Variants in RAD23B observed in about 807,000 individuals in gnomAD.
RAD23B encodes RAD23 nucleotide excision repair protein B, also known as lysine-specific demethylase RAD23B.
Under a neutral mutation model 49.1 loss-of-function variants are expected in RAD23B, and 5 were observed. The observed-to-expected ratio is 0.10, with a 90% CI of 0.05 to 0.21. The LOEUF is 0.21. RAD23B is among the 10% of genes least tolerant of loss of function. The pLI is 1.00. For missense variants in RAD23B, 356 were observed against 486.7 expected, an observed-to-expected ratio of 0.73 and a Z score of 2.53; for synonymous variants, 184 against 165.4, an observed-to-expected ratio of 1.11 and a Z score of -0.86.
chr9:107,322,890 C>A (rs923323455), intron 7 of RAD23B, among the ~76,000 whole-genome samples: 2 of 152,144 alleles, frequency 1.3e-5, no homozygotes, highest in Non-Finnish European at 2.9e-5. Flanking sequence ...GACCACAGCT[C>A]TGCTTTGGAT....
intron 4 of RAD23B, among the ~76,000 whole-genome samples, chr9:107,307,307 A>AGT (rs1826799653): frequency 6.6e-6 from 1 of 152,256 alleles, no homozygotes; most frequent in African/African-American, 2.4e-5. Context: ...ACCTCAACTA[A>AGT]GTGGCTGCTT....
At chr9:107,311,001 A>G (rs573612182) in intron 4 of RAD23B, among the ~76,000 whole-genome samples, 67 of 152,230 alleles carry the variant, frequency 4.4e-4, no homozygotes, top group South Asian at 8.3e-4. Context: ...TCTAACTACT[A>G]CCTTTACCAC....
chr9:107,295,573 T>C (rs1826495263), intron 1 of RAD23B, among the ~76,000 whole-genome samples: 1 of 152,134 alleles, frequency 6.6e-6, no homozygotes, highest in African/African-American at 2.4e-5. Flanking sequence ...TAGAAAGTGG[T>C]CACCTGCAGA....
intron 1 of RAD23B, chr9:107,284,015 C>T (rs1424307833): frequency 2.8e-6 from 3 of 1,075,528 alleles, no homozygotes; most frequent in Non-Finnish European, 2.2e-6. Context: ...TCCAGGCCGT[C>T]TCAGCCGTAG....
rs767166580 is a variant in RAD23B, at chr9:107,283,366, C to G, written c.-264C>G. 9.3e-6 allele frequency: 4 copies of G among 427,970 alleles called. No individual in the cohort carries two copies. The highest frequency in any genetic ancestry group is 1.6e-5 in the Non-Finnish European group (4 of 246,152). The allele number at this position is 427,970 out of a possible 1,614,324, so 26.5% of individuals were successfully genotyped here. A position where few individuals can be genotyped will look rare whatever the true frequency, so the allele number is the denominator to read the frequency against. Reference sequence around the variant, plus strand: ...GACCCCCTCGCGCCTTCTGCAGACTCCGTGGCTGGCGCTCGGCGCGTGAGG... The same window carrying G: ...GACCCCCTCGCGCCTTCTGCAGACTGCGTGGCTGGCGCTCGGCGCGTGAGG... On this transcript the variant is annotated 5_prime_UTR_variant, in exon 1 of 10. Coordinates refer to ENST00000358015, the MANE Select transcript of RAD23B (RefSeq NM_002874.5).
chr9:107,304,608 G>A (rs1230448671), intron 3 of RAD23B, among the ~76,000 whole-genome samples: 1 of 152,160 alleles, frequency 6.6e-6, no homozygotes, highest in Non-Finnish European at 1.5e-5. Context: ...AAAAGACAAG[G>A]CAGCTCATTG....
intron 5 of RAD23B, among the ~76,000 whole-genome samples, chr9:107,313,639 A>G (rs1373308513): frequency 2.6e-5 from 4 of 152,202 alleles, no homozygotes; most frequent in African/African-American, 9.7e-5. Context: ...CATATACTAT[A>G]TAGATTCCCC....
intron 2 of RAD23B, among the ~76,000 whole-genome samples, chr9:107,301,182 G>A (rs1478982760): frequency 6.6e-6 from 1 of 152,224 alleles, no homozygotes; most frequent in African/African-American, 2.4e-5. Context: ...GCATTTCTAA[G>A]TTCTGTAGCA....
Position 107,283,682 on chromosome 9 carries a change from AC to A in RAD23B, c.57del (p.Glu20ArgfsTer4). On this transcript the variant is annotated frameshift_variant, in exon 1 of 10. Transcript: ENST00000358015. LOFTEE classifies it high-confidence loss of function. ...LQQQTFKIDI[D>X]PEETVKALKE... ...CAGCAGACCTTCAAGATAGACATTG[AC>A]CCCGAGGAGACGGTATGCGCGCGGG... 1 of 1,472,762 alleles carries A rather than the reference AC, an allele frequency of 6.8e-7. No individual in the cohort carries two copies. 91.2% of individuals were successfully genotyped at this position (1,472,762 alleles called of 1,614,324 possible). A position where few individuals can be genotyped will look rare whatever the true frequency, so the allele number is the denominator to read the frequency against.
At chr9:107,297,402 T>C (rs1208509352) in intron 1 of RAD23B, among the ~76,000 whole-genome samples, 1 of 152,026 alleles carries the variant, frequency 6.6e-6, no homozygotes, top group Non-Finnish European at 1.5e-5. Context: ...TGCAATGGTA[T>C]GATCTTGGCT....
chr9:107,314,125 A>C (rs1329988213), intron 5 of RAD23B, among the ~76,000 whole-genome samples: 4 of 152,088 alleles, frequency 2.6e-5, no homozygotes, highest in Admixed American at 2.6e-4. Context: ...GTGGAAAGCA[A>C]CTCTCATGGG....
At chr9:107,325,796 A>G (rs1371088069) in intron 9 of RAD23B, among the ~76,000 whole-genome samples, 1 of 152,200 alleles carries the variant, frequency 6.6e-6, no homozygotes, top group Non-Finnish European at 1.5e-5. Context: ...GCAAGAACCA[A>G]CAACATCCTT....
At chr9:107,301,948 T>C (rs1937990941) in intron 2 of RAD23B, 87 bp from the exon 3 acceptor site, 8 of 1,511,010 alleles carry the variant, frequency 5.3e-6, no homozygotes, top group South Asian at 3.7e-5. Flanking sequence ...TTCTGAAATA[T>C]TCATATTTCG....
At chr9:107,283,831 C>A in intron 1 of RAD23B, 136 bp downstream of exon 1, 1 of 947,862 alleles carries the variant, frequency 1.1e-6, no homozygotes, top group Non-Finnish European at 1.4e-6. Flanking sequence ...CTGGTGCCGG[C>A]CCTGGCGGCG....
chr9:107,326,072 A>G (rs1827196984), intron 9 of RAD23B, among the ~76,000 whole-genome samples: 1 of 152,096 alleles, frequency 6.6e-6, no homozygotes, highest in African/African-American at 2.4e-5. Context: ...GATAAATTTT[A>G]CTGGTTACAG....
intron 3 of RAD23B, among the ~76,000 whole-genome samples, chr9:107,306,048 T>TATATATATATATATAGATATATATAG (rs1826758592): frequency 4.2e-5 from 1 of 23,796 alleles, no homozygotes; most frequent in Non-Finnish European, 8.1e-5. Context: ...ATACGGTTTA[T>TATATATATATATATAGATATATATAG]ATCTATATAT....
chr9:107,318,802 T>C lies in RAD23B; in HGVS notation c.604T>C (p.Tyr202His). Residue 202 changes from tyrosine (Y) to histidine (H), a missense_variant, in exon 6 of 10, where the codon TAT becomes CAT. Physicochemically the swap from Tyr to His is moderately conservative, Grantham distance 83 (BLOSUM62 2). Transcript: ENST00000358015. The surrounding 1 kb of genome is among the most constrained non-coding windows in gnomAD (Gnocchi z 4.3). ...GGTAACTGAGATCATGTCAATGGGC[T>C]ATGAACGAGAGCAAGTAATTGCAGC... ...NMVTEIMSMG[Y>H]EREQVIAALR... The C allele has an allele frequency of 6.2e-7, 1 of 1,613,714 alleles. No individual in the cohort carries two copies. The highest frequency in any genetic ancestry group is 8.5e-7 in the Non-Finnish European group (1 of 1,179,648).
chr9:107,328,659 T>G (rs1292607256), intron 9 of RAD23B, among the ~76,000 whole-genome samples: 2 of 152,188 alleles, frequency 1.3e-5, no homozygotes, highest in African/African-American at 4.8e-5. Context: ...GCTCACCTCC[T>G]CCCGTGCGGC....
intron 4 of RAD23B, among the ~76,000 whole-genome samples, chr9:107,308,415 C>T (rs2133081963): frequency 1.3e-5 from 2 of 152,168 alleles, no homozygotes; most frequent in Middle Eastern, 3.4e-3. Context: ...GAAGGGGTTT[C>T]ACCATGTTAG....
Sources: gnomAD v4.1 joint callset for allele counts (sites outside exome capture counted in the v4.1 genomes callset) on GRCh38, gnomAD v4.1.1 for gene constraint, Gnocchi (gnomAD v3.1) non-coding constraint, MANE v1.5 for transcripts, NCBI Gene and HGNC (gene_info 2026-07-23, HGNC 2026-07-21) for gene names.